CDH3: variants seen among roughly 807,000 people sequenced by gnomAD.
The protein encoded by CDH3 is cadherin 3, also known as cadherin-3.
CDH3 carries 54 observed loss-of-function variants against 82.0 expected under a neutral mutation model. The observed-to-expected ratio is 0.66, with a 90% CI of 0.53 to 0.83. The LOEUF is 0.83. Among genes scored for constraint, CDH3 ranks in the 40% least tolerant of loss-of-function variants. The probability of loss-of-function intolerance (pLI) is 0.00; values close to 1 mark genes in which losing one functional copy is unlikely to be tolerated. For missense variants in CDH3, 1,054 were observed against 1,084.6 expected (o/e 0.97, Z 0.40); for synonymous variants, 446 against 437.9 (o/e 1.02, Z -0.23).
intron 1 of CDH3, among the ~76,000 whole-genome samples, chr16:68,713,554 T>C (rs1962057885): frequency 6.6e-6 from 1 of 152,108 alleles, no homozygotes; most frequent in Non-Finnish European, 1.5e-5. Context: ...GCCTCCCAGC[T>C]GTGCTCCCTG....
Position 68,724,266 on chromosome 16 carries a change from T to C in CDH3, c.*45+1650T>C, listed in dbSNP as rs116094010. The stretch of plus-strand genomic sequence containing the variant: ...GTAAATAAAAATAAATAAATGATGT[T>C]AGCTGCAAAGTCCCTTTTTTGAAGG... On this transcript the variant is annotated intron_variant, in intron 2 of 2. Transcript: ENST00000569080. 1.6e-3 allele frequency among the ~76,000 whole-genome samples: 246 copies of C among 152,090 alleles called. 1 individual carries two copies. The highest frequency in any genetic ancestry group is 5.7e-3 in the African/African-American group (237 of 41,508).
At chr16:68,704,888 T>G (rs932391176), downstream of CDH3, among the ~76,000 whole-genome samples, 1 of 152,132 alleles carries the variant, frequency 6.6e-6, no homozygotes, top group Non-Finnish European at 1.5e-5. Context: ...AGACCCCATC[T>G]CTATTAAAAA....
intron 13 of CDH3, among the ~76,000 whole-genome samples, chr16:68,694,083 C>T (rs1022604783): frequency 3.3e-5 from 5 of 150,854 alleles, no homozygotes; most frequent in African/African-American, 4.9e-5. Flanking sequence ...GGTGAAACCC[C>T]GTCTCTACTA....
intron 2 of CDH3, among the ~76,000 whole-genome samples, chr16:68,659,320 G>T (rs1271611568): frequency 1.3e-5 from 2 of 152,146 alleles, no homozygotes; most frequent in African/African-American, 2.4e-5. Context: ...TGTAATTCTA[G>T]CACTGTGGGA....
rs1365247828 is a variant in CDH3, at chr16:68,678,744, G to T, written c.547-18G>T. ...GGTGGGTGGCACCGGGCTGACCCCA[G>T]AGCTGTGTACCCCACAGCTCTTTGG... On this transcript the variant is annotated intron_variant, in intron 5 of 15. Transcript: ENST00000264012. The T allele has an allele frequency of 1.2e-6, 2 of 1,614,068 alleles. No homozygotes were observed. Among genetic ancestry groups the T allele is most frequent in the African/African-American group, 1.3e-5 (1 of 74,928 alleles).
intron 2 of CDH3, among the ~76,000 whole-genome samples, chr16:68,658,622 C>G (rs1365413372): frequency 6.6e-6 from 1 of 152,154 alleles, no homozygotes; most frequent in African/African-American, 2.4e-5. Flanking sequence ...GGAGAAACAG[C>G]AACTTGTGAG....
intron 3 of CDH3, 46 bp downstream of exon 3, chr16:68,676,516 G>C (rs1961040253): frequency 6.8e-7 from 1 of 1,469,158 alleles, no homozygotes; most frequent in Non-Finnish European, 9.5e-7. Flanking sequence ...GATGTTCTCT[G>C]TGCATGCCCA....
At chr16:68,706,989 A>G (rs1961972907) in intron 1 of CDH3, among the ~76,000 whole-genome samples, 1 of 152,172 alleles carries the variant, frequency 6.6e-6, no homozygotes, top group African/African-American at 2.4e-5. Flanking sequence ...GGTCTAGTAA[A>G]AGTGAAGCAT....
At chr16:68,678,999 T>A in intron 6 of CDH3, 93 bp downstream of exon 6, 1 of 1,336,244 alleles carries the variant, frequency 7.5e-7, no homozygotes, top group East Asian at 2.3e-5. Flanking sequence ...TGGCTGTGTA[T>A]CAGATTACTT....
intron 8 of CDH3, among the ~76,000 whole-genome samples, chr16:68,681,481 C>G (rs1246026823): frequency 6.6e-6 from 1 of 152,224 alleles, no homozygotes; most frequent in East Asian, 1.9e-4. Flanking sequence ...ATCAAGGTGC[C>G]AATTACATCC....
chr16:68,684,866 A>C, intron 10 of CDH3, 42 bp downstream of exon 10: 1 of 1,613,002 alleles, frequency 6.2e-7, no homozygotes, highest in Non-Finnish European at 8.5e-7. Flanking sequence ...GTACTGGTAC[A>C]GTTGGTGGGT....
intron 1 of CDH3, among the ~76,000 whole-genome samples, chr16:68,715,152 GC>G (rs34732502): frequency 0.23 from 35,444 of 151,968 alleles, 4,397 homozygotes; most frequent in Admixed American, 0.28. Context: ...GAGGCCGGGC[GC>G]CATGACTCAC....
At chr16:68,728,781 G>A (rs913382295), downstream of CDH3, among the ~76,000 whole-genome samples, 1 of 152,164 alleles carries the variant, frequency 6.6e-6, no homozygotes, top group Non-Finnish European at 1.5e-5. Flanking sequence ...TTTGATAATG[G>A]AGAGATCTGC....
intron 1 of CDH3, among the ~76,000 whole-genome samples, chr16:68,714,583 T>C (rs1962070235): frequency 6.6e-6 from 1 of 152,200 alleles, no homozygotes; most frequent in Admixed American, 6.6e-5. Context: ...ATTGTAATTG[T>C]CTCTTTACCT....
chr16:68,731,393 A>ATAT (rs1434831223), downstream of CDH3, among the ~76,000 whole-genome samples: 1 of 6,588 alleles, frequency 1.5e-4, no homozygotes, highest in African/African-American at 7.8e-4. Flanking sequence ...AAAAAAAAAA[A>ATAT]AAATATATAT....
intron 15 of CDH3, chr16:68,697,045 G>C (rs1252816156): frequency 6.6e-6 from 1 of 151,462 alleles, no homozygotes; most frequent in African/African-American, 2.4e-5. Flanking sequence ...AAAAAGGCCG[G>C]GCACAGTGGC....
chr16:68,661,855 A>AT (rs541021696), intron 2 of CDH3, among the ~76,000 whole-genome samples: 80 of 152,216 alleles, frequency 5.3e-4, no homozygotes, highest in Admixed American at 1.6e-3. Flanking sequence ...CACCTGGCTA[A>AT]TTTTTTTGTG....
intron 15 of CDH3, among the ~76,000 whole-genome samples, chr16:68,697,556 C>A (rs1306138315): frequency 6.6e-6 from 1 of 152,074 alleles, no homozygotes; most frequent in East Asian, 1.9e-4. Context: ...CACCTGGGCA[C>A]CTTCAGAAAC....
intron 13 of CDH3, among the ~76,000 whole-genome samples, chr16:68,694,083 C>A (rs1022604783): frequency 6.6e-6 from 1 of 150,858 alleles, no homozygotes; most frequent in South Asian, 2.1e-4. Context: ...GGTGAAACCC[C>A]GTCTCTACTA....
Sources: gnomAD v4.1 joint callset for allele counts (sites outside exome capture counted in the v4.1 genomes callset) on GRCh38, gnomAD v4.1.1 for gene constraint, MANE v1.5 for transcripts, NCBI Gene and HGNC (gene_info 2026-07-23, HGNC 2026-07-21) for gene names.